Variants in TMC1 observed in about 807,000 individuals in gnomAD.
The protein encoded by TMC1 is transmembrane channel-like protein 1.
In TMC1, 84 loss-of-function variants were observed where a neutral mutation model predicts 105.8. The ratio of observed to expected loss-of-function variants is 0.79; its 90% CI spans 0.67 to 0.95. The LOEUF is 0.95. Ranked by LOEUF, TMC1 falls within the 40% of genes least tolerant of loss-of-function variation. The pLI is 0.00. For synonymous variants in TMC1, 315 were observed against 311.5 expected (o/e 1.01, Z -0.12); for missense variants, 817 against 914.1 (o/e 0.89, Z 1.37).
chr9:72,793,236 C>T (rs1296971978), intron 17 of TMC1, among the ~76,000 whole-genome samples: 1 of 152,184 alleles, frequency 6.6e-6, no homozygotes, highest in African/African-American at 2.4e-5. Flanking sequence ...AGACCCCCAA[C>T]CACACCCCTT....
chr9:72,710,470 G>A (rs1462586005), intron 8 of TMC1, among the ~76,000 whole-genome samples: 2 of 152,100 alleles, frequency 1.3e-5, no homozygotes, highest in Non-Finnish European at 2.9e-5. Context: ...TTATTGTGTT[G>A]CTGTCTATCT....
At position 72,694,078 on chromosome 9, in the gene TMC1, A is replaced by T. The variant is rs185586552; in HGVS notation, c.65-465A>T. ...GGGTTGAATGAATTTCTCCAAAATT[A>T]TTCTAGTTTGTAGCACCTCTTTAAC... On this transcript the variant is annotated intron_variant, in intron 6 of 23. Coordinates refer to ENST00000297784, the MANE Select transcript of TMC1 (RefSeq NM_138691.3). Among the ~76,000 whole-genome samples, 1,109 of 152,286 alleles carry T rather than the reference A, an allele frequency of 7.3e-3. 11 individuals are homozygous for T. The highest frequency in any genetic ancestry group is 0.025 in the African/African-American group (1,050 of 41,580).
chr9:72,728,096 A>G (rs1346653711), intron 8 of TMC1, among the ~76,000 whole-genome samples: 1 of 152,034 alleles, frequency 6.6e-6, no homozygotes, highest in East Asian at 1.9e-4. Flanking sequence ...CAAGAGAAAA[A>G]CAAGCAGAAG....
rs1170965600 is a variant in TMC1 at position 72,535,038 on chromosome 9, A to G, written c.-428+13125A>G. 3.8e-5 allele frequency among the ~76,000 whole-genome samples: 3 copies of G among 79,778 alleles called. 1 individual carries two copies. 52.3% of individuals were successfully genotyped at this position (79,778 alleles called of 152,430 possible). On this transcript the variant is annotated intron_variant, in intron 1 of 23. Transcript: ENST00000297784. ...TTACACAAAGGCAGTCGATTCATGG[A>G]TCTCTTAGAGAGAGAGAAAAAAAAA...
chr9:72,658,928 A>G (rs1825927658), intron 5 of TMC1, among the ~76,000 whole-genome samples: 1 of 152,254 alleles, frequency 6.6e-6, no homozygotes. Context: ...CAATAGCCAC[A>G]GATGCTAGCA....
chr9:72,779,552 G>C lies in TMC1; in HGVS notation c.884+6997G>C, dbSNP rs551174150. 1.6e-4 allele frequency among the ~76,000 whole-genome samples: 25 copies of C among 152,242 alleles called. 1 individual carries two copies. The highest frequency in any genetic ancestry group is 1.5e-3 in the Admixed American group (23 of 15,286). The stretch of plus-strand genomic sequence containing the variant: ...AATACAAGAGCTGAAAGACAAAATA[G>C]TCATTTTAAGAACCAAGCTGATCTG... On this transcript the variant is annotated intron_variant, in intron 13 of 23. Transcript: ENST00000297784.
intron 20 of TMC1, among the ~76,000 whole-genome samples, chr9:72,821,306 C>T (rs1300879118): frequency 6.6e-6 from 1 of 151,826 alleles, no homozygotes; most frequent in Non-Finnish European, 1.5e-5. Flanking sequence ...CAAGCCTGGC[C>T]AACACGGTGA....
chr9:72,577,480 G>A (rs1427085020), intron 1 of TMC1, among the ~76,000 whole-genome samples: 1 of 152,146 alleles, frequency 6.6e-6, no homozygotes, highest in Non-Finnish European at 1.5e-5. Context: ...ACTTCATAAT[G>A]CCTCCATTTC....
At chr9:72,830,550 T>C (rs931645303) in intron 22 of TMC1, 21 bp downstream of exon 22, 16 of 1,604,912 alleles carry the variant, frequency 1.0e-5, no homozygotes, top group Admixed American at 5.0e-5. Context: ...ATTTATTTCA[T>C]AGAAATATTA....
intron 10 of TMC1, 98 bp downstream of exon 10, chr9:72,742,623 A>T: frequency 1.0e-6 from 1 of 988,624 alleles, no homozygotes; most frequent in Non-Finnish European, 1.6e-6. Context: ...TTTTGGGAAG[A>T]CTAGAAACAA....
intron 2 of TMC1, among the ~76,000 whole-genome samples, chr9:72,601,379 C>A (rs1229914557): frequency 1.3e-5 from 2 of 150,108 alleles, no homozygotes; most frequent in Non-Finnish European, 3.0e-5. Flanking sequence ...TGCGGTGGCT[C>A]ATGCCTATAG....
chr9:72,781,599 A>G (rs1041070618), intron 13 of TMC1, among the ~76,000 whole-genome samples: 12 of 152,324 alleles, frequency 7.9e-5, no homozygotes, highest in Admixed American at 3.3e-4. Context: ...AGAAGATTCA[A>G]ATAAACACAA....
intron 12 of TMC1, among the ~76,000 whole-genome samples, chr9:72,757,598 C>T (rs1337550966): frequency 6.6e-6 from 1 of 152,178 alleles, no homozygotes; most frequent in African/African-American, 2.4e-5. Flanking sequence ...GTTTCATATA[C>T]ACCTGTACAT....
chr9:72,565,699 T>C (rs1182297105), intron 1 of TMC1, among the ~76,000 whole-genome samples: 3 of 152,112 alleles, frequency 2.0e-5, no homozygotes, highest in African/African-American at 7.2e-5. Flanking sequence ...CACATGGCTG[T>C]GGAGGCCTCA....
intron 12 of TMC1, among the ~76,000 whole-genome samples, chr9:72,764,066 A>G (rs1298828416): frequency 6.6e-6 from 1 of 152,244 alleles, no homozygotes. Flanking sequence ...GCATTAAATT[A>G]TAGTCAATAA....
rs66682329 is a variant in TMC1, at chr9:72,602,366, ATTTTTTTTTTTTTT to A, written c.-305-13989_-305-13976del. ...ACTTGCTGTGATTCTCCTATTGGTG[ATTTTTTTTTTTTTT>A]TTTTTTTTTTTTGAGACAGGGTCTT... On this transcript the variant is annotated intron_variant, in intron 2 of 23. Coordinates refer to ENST00000297784, the MANE Select transcript of TMC1 (RefSeq NM_138691.3). 9.1e-3 allele frequency among the ~76,000 whole-genome samples: 790 copies of A among 86,560 alleles called. 12 individuals carry two copies. In the East Asian group the frequency reaches 0.14, roughly 15 times the overall value. The allele number at this position is 86,560 out of a possible 152,430, so 56.8% of individuals were successfully genotyped here. A position where few individuals can be genotyped will look rare whatever the true frequency, so the allele number is the denominator to read the frequency against.
chr9:72,673,099 A>G (rs992703595), intron 5 of TMC1, among the ~76,000 whole-genome samples: 6 of 152,076 alleles, frequency 3.9e-5, no homozygotes, highest in African/African-American at 1.4e-4. Flanking sequence ...AACTAATATC[A>G]TACTTCTAAA....
chr9:72,536,890 A>G (rs1823594558), intron 1 of TMC1, among the ~76,000 whole-genome samples: 1 of 152,136 alleles, frequency 6.6e-6, no homozygotes, highest in African/African-American at 2.4e-5. Flanking sequence ...TCCAATAGAT[A>G]ATGCCCAAGT....
intron 1 of TMC1, among the ~76,000 whole-genome samples, chr9:72,543,401 T>G (rs1236345122): frequency 6.6e-6 from 1 of 152,242 alleles, no homozygotes; most frequent in East Asian, 1.9e-4. Context: ...TATAGATTAT[T>G]GGAATAACCT....
Sources: gnomAD v4.1 joint callset for allele counts (sites outside exome capture counted in the v4.1 genomes callset) on GRCh38, gnomAD v4.1.1 for gene constraint, MANE v1.5 for transcripts, NCBI Gene and HGNC (gene_info 2026-07-23, HGNC 2026-07-21) for gene names.